MTA3: variants seen among roughly 807,000 people sequenced by gnomAD.
MTA3 encodes metastasis associated 1 family member 3, also known as metastasis-associated protein MTA3.
In MTA3, 34 loss-of-function variants were observed where a neutral mutation model predicts 83.5. The observed-to-expected ratio is 0.41, with a 90% CI of 0.31 to 0.54. The LOEUF is 0.54. Among genes scored for constraint, MTA3 ranks in the 20% least tolerant of loss-of-function variants. The probability of loss-of-function intolerance (pLI) is 0.33; values close to 1 mark genes in which losing one functional copy is unlikely to be tolerated. For synonymous variants in MTA3, 303 were observed against 252.7 expected, an observed-to-expected ratio of 1.20 and a Z score of -1.89; for missense variants, 761 against 726.4, an observed-to-expected ratio of 1.05 and a Z score of -0.55.
intron 2 of MTA3, among the ~76,000 whole-genome samples, chr2:42,577,105 A>AAAAAAAAATATAT (rs1211189566): frequency 3.5e-5 from 3 of 86,952 alleles, no homozygotes; most frequent in African/African-American, 1.6e-4. Flanking sequence ...AAAAAAAAAA[A>AAAAAAAAATATAT]ATATATATAT....
At chr2:42,736,691 G>A (rs1339249656) in intron 16 of MTA3, among the ~76,000 whole-genome samples, 1 of 151,938 alleles carries the variant, frequency 6.6e-6, no homozygotes, top group African/African-American at 2.4e-5. Flanking sequence ...CAAGCAGAAA[G>A]AGTCTCTCCT....
At chr2:42,664,391 C>T (rs939346568) in intron 8 of MTA3, among the ~76,000 whole-genome samples, 6 of 148,962 alleles carry the variant, frequency 4.0e-5, no homozygotes, top group African/African-American at 1.5e-4. Flanking sequence ...ATGGATTCAT[C>T]ATTCAGTTGA....
chr2:42,726,694 T>C (rs1558623972), intron 16 of MTA3, among the ~76,000 whole-genome samples: 3 of 152,246 alleles, frequency 2.0e-5, no homozygotes, highest in East Asian at 3.9e-4. Flanking sequence ...TGCTTGGCAT[T>C]AGAAAAAAAA....
intron 16 of MTA3, among the ~76,000 whole-genome samples, chr2:42,749,869 C>T (rs1669737979): frequency 6.6e-6 from 1 of 152,156 alleles, no homozygotes; most frequent in African/African-American, 2.4e-5. Flanking sequence ...GCTCCTCAGT[C>T]CTTCTATGTG....
chr2:42,640,260 T>C (rs1687589841), intron 5 of MTA3, 24 bp downstream of exon 5: 1 of 1,534,764 alleles, frequency 6.5e-7, no homozygotes, highest in East Asian at 2.3e-5. Flanking sequence ...ATAGTTGTTT[T>C]GTTTTTTTCT....
rs35447248 is a variant in MTA3 at position 42,632,091 on chromosome 2, G to GTT, written c.318-8066_318-8065dup. ...CTTACTCATTCTTCCCAGCTGCTGG[G>GTT]TTTTTTTTTTTTTTTTTGAGATGGA... On this transcript the variant is annotated intron_variant, in intron 4 of 16. Transcript: ENST00000405094. Among the ~76,000 whole-genome samples the GTT allele has an allele frequency of 5.4e-3, 677 of 125,186 alleles. 14 individuals carry two copies. The highest frequency in any genetic ancestry group is 6.9e-3 in the South Asian group (28 of 4,062). 82.1% of individuals were successfully genotyped at this position (125,186 alleles called of 152,430 possible).
In MTA3 at chr2:42,651,729, T is replaced by C. The variant is rs555760044; in HGVS notation, c.500-4471T>C. Among the ~76,000 whole-genome samples, 19 of 150,806 alleles carry C rather than the reference T, an allele frequency of 1.3e-4. No homozygotes were observed. In the East Asian group the frequency reaches 3.3e-3, roughly 26 times the overall value. ...CGGAGAATCACATAAGCCCAGGAGA[T>C]TGAAGCTGCAGTGAGCTGTGGTTGT... On this transcript the variant is annotated intron_variant, in intron 6 of 16. Transcript: ENST00000405094.
At position 42,669,540 on chromosome 2, in the gene MTA3, T is replaced by C. The variant is rs139229233; in HGVS notation, c.702+9678T>C. On this transcript the variant is annotated intron_variant, in intron 8 of 16. Coordinates refer to ENST00000405094, the MANE Select transcript of MTA3 (RefSeq NM_001330442.2). ...GTTCATGTTTCCAAGGCTATAAAATTAGAATTAGTACTAATGGACTAGCAC... is the reference window on the plus strand; with the variant it reads ...GTTCATGTTTCCAAGGCTATAAAATCAGAATTAGTACTAATGGACTAGCAC... Among the ~76,000 whole-genome samples, 1,004 of 152,238 alleles carry C rather than the reference T, an allele frequency of 6.6e-3. 4 individuals carry two copies. Among genetic ancestry groups the C allele is most frequent in the Non-Finnish European group, 0.01 (701 of 68,020 alleles).
At position 42,662,715 on chromosome 2, in the gene MTA3, A is replaced by T. The variant is rs910572873; in HGVS notation, c.702+2853A>T. 6.1e-5 allele frequency among the ~76,000 whole-genome samples: 9 copies of T among 148,638 alleles called. No individual in the cohort carries two copies. In the South Asian group the frequency reaches 1.7e-3, roughly 28 times the overall value. On this transcript the variant is annotated intron_variant, in intron 8 of 16. Transcript: ENST00000405094. ...CTCCACCGCCCCTATGTTTTCCCTA[A>T]CTATATTATATAAATACTTTTTTTT...
intron 4 of MTA3, among the ~76,000 whole-genome samples, chr2:42,615,924 G>A (rs1684819685): frequency 1.3e-5 from 2 of 151,190 alleles, no homozygotes; most frequent in Non-Finnish European, 2.9e-5. Context: ...GTTTCCCCAT[G>A]TTCTCCAGGA....
At chr2:42,598,269 G>A (rs1375995212) in intron 3 of MTA3, among the ~76,000 whole-genome samples, 1 of 151,274 alleles carries the variant, frequency 6.6e-6, no homozygotes, top group Admixed American at 6.6e-5. Context: ...GTTTCACTGT[G>A]TTAGTCAGGA....
intron 3 of MTA3, among the ~76,000 whole-genome samples, chr2:42,588,061 T>C (rs1680550446): frequency 6.6e-6 from 1 of 152,170 alleles, no homozygotes; most frequent in African/African-American, 2.4e-5. Context: ...GTATACATTG[T>C]AAAATTTTTG....
intron 2 of MTA3, among the ~76,000 whole-genome samples, chr2:42,559,649 C>A (rs989020554): frequency 6.6e-6 from 1 of 151,356 alleles, no homozygotes; most frequent in Non-Finnish European, 1.5e-5. Context: ...GAGGCTAAGG[C>A]AGGTGGATCA....
chr2:42,701,250 C>T (rs1388958447), intron 11 of MTA3, among the ~76,000 whole-genome samples: 2 of 123,834 alleles, frequency 1.6e-5, no homozygotes, highest in East Asian at 2.4e-4. Flanking sequence ...TGCAATGGGC[C>T]ATGGTCATGC....
intron 3 of MTA3, among the ~76,000 whole-genome samples, chr2:42,591,733 C>T (rs1183988594): frequency 6.6e-6 from 1 of 152,052 alleles, no homozygotes; most frequent in East Asian, 1.9e-4. Context: ...TCACTGCAAT[C>T]TCCGCCTTCC....
At chr2:42,684,362 A>G (rs925168866) in intron 9 of MTA3, among the ~76,000 whole-genome samples, 3 of 152,232 alleles carry the variant, frequency 2.0e-5, no homozygotes, top group Admixed American at 2.0e-4. Context: ...TTACTTACCA[A>G]TATGGGCTGA....
intron 2 of MTA3, among the ~76,000 whole-genome samples, chr2:42,560,363 G>C (rs1677609383): frequency 6.6e-6 from 1 of 151,536 alleles, no homozygotes. Flanking sequence ...AACAAATCAA[G>C]CTGTGGTTGG....
At chr2:42,540,419 C>G (rs1676467285) in intron 2 of MTA3, among the ~76,000 whole-genome samples, 1 of 151,946 alleles carries the variant, frequency 6.6e-6, no homozygotes, top group Non-Finnish European at 1.5e-5. Context: ...AGCAATCCTC[C>G]TGCCTTGGCC....
At chr2:42,733,323 C>T (rs1182261303) in intron 16 of MTA3, among the ~76,000 whole-genome samples, 3 of 152,190 alleles carry the variant, frequency 2.0e-5, no homozygotes, top group African/African-American at 7.2e-5. Flanking sequence ...CCCTGATAAA[C>T]TCATCAGATC....
Sources: allele counts gnomAD v4.1 joint callset (sites outside exome capture counted in the v4.1 genomes callset), GRCh38; gene constraint gnomAD v4.1.1; transcripts MANE v1.5; gene names NCBI Gene and HGNC (gene_info 2026-07-23, HGNC 2026-07-21).